AADACL2: variants seen among roughly 807,000 people sequenced by gnomAD.
AADACL2 encodes arylacetamide deacetylase like 2.
In AADACL2, 23 loss-of-function variants were observed where a neutral mutation model predicts 22.3. The observed-to-expected ratio is 1.03, with a 90% confidence interval of 0.74 to 1.46. The LOEUF (loss-of-function observed/expected upper bound fraction) is 1.46. AADACL2 is among the 40% of genes most tolerant of loss of function. The pLI, the probability that AADACL2 is intolerant of heterozygous loss-of-function variation, is 0.00. For synonymous variants in AADACL2, 177 were observed against 166.2 expected, an observed-to-expected ratio of 1.07 and a Z score of -0.50; for missense variants, 472 against 482.9, an observed-to-expected ratio of 0.98 and a Z score of 0.21.
rs1025185256 is a variant in AADACL2, at chr3:151,758,739, C to T, written c.*1145C>T. The T allele has an allele frequency of 3.3e-5, 5 of 151,970 alleles. No individual in the cohort carries two copies. Among genetic ancestry groups the T allele is most frequent in the African/African-American group, 1.2e-4 (5 of 41,398 alleles). 9.4% of individuals were successfully genotyped at this position (151,970 alleles called of 1,614,324 possible). A position where few individuals can be genotyped will look rare whatever the true frequency, so the allele number is the denominator to read the frequency against. ...AAATTTATTGCTATGAAAACAGATC[C>T]ATGGTACAATGTTATAAATTTTGAG... is the stretch of plus-strand genomic sequence containing the variant. On this transcript the variant is annotated 3_prime_UTR_variant, in exon 5 of 5. Coordinates refer to ENST00000356517, the MANE Select transcript of AADACL2 (RefSeq NM_207365.4).
intron 4 of AADACL2, among the ~76,000 whole-genome samples, chr3:151,748,641 C>T (rs2107986497): frequency 6.6e-6 from 1 of 152,298 alleles, no homozygotes; most frequent in Middle Eastern, 3.4e-3. Context: ...AACAATCTGG[C>T]TTCCTTGGTT....
chr3:151,740,144 A>C (rs1467569023), intron 1 of AADACL2, among the ~76,000 whole-genome samples: 1 of 152,226 alleles, frequency 6.6e-6, no homozygotes, highest in African/African-American at 2.4e-5. Context: ...CTGTAGGCAC[A>C]TGAGAGCATC....
chr3:151,741,588 C>T (rs993973408), intron 2 of AADACL2, among the ~76,000 whole-genome samples: 1 of 152,060 alleles, frequency 6.6e-6, no homozygotes, highest in African/African-American at 2.4e-5. Context: ...TGGATTTCAT[C>T]TATATTTCAT....
intron 1 of AADACL2, among the ~76,000 whole-genome samples, chr3:151,738,382 C>A (rs561876827): frequency 3.5e-4 from 54 of 152,152 alleles, no homozygotes; most frequent in Non-Finnish European, 6.5e-4. Flanking sequence ...TCTGATGGGT[C>A]TCCCTTTGTA....
intron 4 of AADACL2, among the ~76,000 whole-genome samples, chr3:151,752,412 A>C (rs1713706969): frequency 6.6e-6 from 1 of 152,166 alleles, no homozygotes; most frequent in African/African-American, 2.4e-5. Context: ...TATTCTTATT[A>C]TTGAGAAGAA....
In AADACL2 at chr3:151,759,227, A is replaced by T. The variant is rs1714066441; in HGVS notation, c.*1633A>T. 1 of 152,126 alleles carries T rather than the reference A, an allele frequency of 6.6e-6. No individual in the cohort carries two copies. Among genetic ancestry groups the T allele is most frequent in the African/African-American group, 2.4e-5 (1 of 41,436 alleles). 9.4% of individuals were successfully genotyped at this position (152,126 alleles called of 1,614,324 possible). On this transcript the variant is annotated 3_prime_UTR_variant, in exon 5 of 5. Coordinates refer to ENST00000356517, the MANE Select transcript of AADACL2 (RefSeq NM_207365.4). ...ATCTCCTGTAAACTTGATATATTTT[A>T]AAATTTGTAATTTGTTTTTCATGAT...
rs1714119038 is a variant in AADACL2, at chr3:151,760,882, C to A, written c.*3288C>A. 2 of 151,988 alleles carry A rather than the reference C, an allele frequency of 1.3e-5. No homozygotes were observed. The highest frequency in any genetic ancestry group is 2.9e-5 in the Non-Finnish European group (2 of 67,990). The allele number at this position is 151,988 out of a possible 1,614,324, so 9.4% of individuals were successfully genotyped here. On this transcript the variant is annotated 3_prime_UTR_variant, in exon 5 of 5. Coordinates refer to ENST00000356517, the MANE Select transcript of AADACL2 (RefSeq NM_207365.4). ...ACTCCTGGCCTGTAGCAGCATAACT[C>A]CAATCTTCACATGATATTCTCCCGT...
At chr3:151,742,155 T>C (rs965173279) in intron 2 of AADACL2, among the ~76,000 whole-genome samples, 1 of 152,174 alleles carries the variant, frequency 6.6e-6, no homozygotes, top group Non-Finnish European at 1.5e-5. Flanking sequence ...CTCTTTTGTC[T>C]TCTCTAAAAC....
chr3:151,750,146 T>A (rs566366110), intron 4 of AADACL2, among the ~76,000 whole-genome samples: 20 of 152,366 alleles, frequency 1.3e-4, no homozygotes, highest in African/African-American at 4.8e-4. Flanking sequence ...CTTGATAGAT[T>A]TGTGTGTATT....
rs1560283389 is a variant in AADACL2 at position 151,745,513 on chromosome 3, A to G, written c.436A>G (p.Arg146Gly). 1.2e-6 allele frequency: 2 copies of G among 1,612,470 alleles called. No homozygotes were observed. Among genetic ancestry groups the G allele is most frequent in the Non-Finnish European group, 1.7e-6 (2 of 1,179,424 alleles). Residue 146 changes from arginine to glycine, a missense_variant, in exon 4 of 5, where the codon AGG (arginine) becomes GGG (glycine). Around this residue, in one of 3 missense-constraint regions of AADACL2, gnomAD observed 356 missense variants for 365.5 expected, o/e 0.97. Transcript: ENST00000356517. ...LDAVVVGVDY[R>G]LAPQHHFPAQ... ...TTTATTATTCTTTCTTTAAAGCTAT[A>G]GGCTGGCTCCTCAACACCACTTTCC...
At chr3:151,749,631 C>T (rs919381941) in intron 4 of AADACL2, among the ~76,000 whole-genome samples, 45 of 152,068 alleles carry the variant, frequency 3.0e-4, no homozygotes, top group Admixed American at 4.6e-4. Flanking sequence ...TACAGGCACC[C>T]GCCATCATGC....
rs1308736187 is a variant in AADACL2 at position 151,757,472 on chromosome 3, G to T, written c.1084G>T (p.Val362Phe). ...ACTTCGAAATGTTGGAGTCCAAGTT[G>T]TTCATGAACATATTGAGGATGGAAT... ...TRLRNVGVQVVHEHIEDGIHG... is the reference protein window; with the variant it reads ...TRLRNVGVQVFHEHIEDGIHG... Residue 362 changes from valine to phenylalanine, a missense_variant, in exon 5 of 5, where the codon GTT becomes TTT. By Grantham distance (50) the Val-to-Phe change is conservative. Coordinates refer to ENST00000356517, the MANE Select transcript of AADACL2 (RefSeq NM_207365.4). 1.2e-6 allele frequency: 2 copies of T among 1,613,462 alleles called. No homozygotes were observed. The highest frequency in any genetic ancestry group is 2.7e-5 in the African/African-American group (2 of 74,862).
chr3:151,748,047 C>T (rs1298146438), intron 4 of AADACL2, among the ~76,000 whole-genome samples: 1 of 152,094 alleles, frequency 6.6e-6, no homozygotes, highest in African/African-American at 2.4e-5. Flanking sequence ...GAAATATTTT[C>T]TCCTACTTTG....
chr3:151,757,517 A>C lies in AADACL2; in HGVS notation c.1129A>C (p.Met377Leu). Reference sequence around the variant, plus strand: ...TGGAATTCATGGAGCTTTATCATTCATGACTTCACCATTTTATTTACGTCT... The same window carrying C: ...TGGAATTCATGGAGCTTTATCATTCCTGACTTCACCATTTTATTTACGTCT... ...EDGIHGALSF[M>L]TSPFYLRLGL... The change falls in exon 5 of 5, where the codon ATG (methionine) becomes CTG (leucine). Residue 377 changes from methionine to leucine, a missense_variant. Physicochemically the swap from Met to Leu is conservative, Grantham distance 15. Around this residue, in one of 3 missense-constraint regions of AADACL2, gnomAD observed 113 missense variants for 100.9 expected, o/e 1.12. Coordinates refer to ENST00000356517, the MANE Select transcript of AADACL2 (RefSeq NM_207365.4). The C allele has an allele frequency of 6.2e-7, 1 of 1,613,556 alleles. No homozygotes were observed. Among genetic ancestry groups the C allele is most frequent in the South Asian group, 1.1e-5 (1 of 91,046 alleles).
intron 4 of AADACL2, among the ~76,000 whole-genome samples, chr3:151,749,384 T>C (rs568123860): frequency 1.1e-4 from 17 of 152,338 alleles, no homozygotes; most frequent in African/African-American, 3.8e-4. Flanking sequence ...ATGTTGATTT[T>C]GTATCCTGCA....
At chr3:151,735,421 C>T (rs1713056191) in intron 1 of AADACL2, among the ~76,000 whole-genome samples, 1 of 151,390 alleles carries the variant, frequency 6.6e-6, no homozygotes, top group African/African-American at 2.5e-5. Context: ...TTGGCTTTGA[C>T]ATTTACTGGC....
At chr3:151,747,800 A>G (rs746445571) in intron 4 of AADACL2, among the ~76,000 whole-genome samples, 4 of 152,108 alleles carry the variant, frequency 2.6e-5, no homozygotes, top group Non-Finnish European at 4.4e-5. Context: ...AGATACCTAG[A>G]AGTGGTATTG....
chr3:151,755,116 C>T (rs1450354853), intron 4 of AADACL2: 2 of 152,014 alleles, frequency 1.3e-5, no homozygotes, highest in Non-Finnish European at 2.9e-5. Context: ...TTATTCCTGG[C>T]TCCAGATATA....
At position 151,744,058 on chromosome 3, in the gene AADACL2, C is replaced by G. The variant is rs138853449; in HGVS notation, c.362-35C>G. 14 of 1,595,136 alleles carry G rather than the reference C, an allele frequency of 8.8e-6. No homozygotes were observed. In the East Asian group the frequency reaches 3.1e-4, roughly 36 times the overall value. On this transcript the variant is annotated intron_variant, in intron 2 of 4. Transcript: ENST00000356517. The stretch of plus-strand genomic sequence containing the variant: ...AACTGTTTCTATAGCTTTTTAATTA[C>G]AGGAAATACTTTGATGTTTATTTCT...
Sources: gnomAD v4.1 joint callset for allele counts (sites outside exome capture counted in the v4.1 genomes callset) on GRCh38, gnomAD v4.1.1 for gene constraint, gnomAD v4.1.1 regional missense constraint, MANE v1.5 for transcripts, NCBI Gene and HGNC (gene_info 2026-07-23, HGNC 2026-07-21) for gene names.